Variants in ASPRV1 observed in about 807,000 individuals in gnomAD.
ASPRV1 encodes retroviral-like aspartic protease 1.
In ASPRV1, 7 loss-of-function variants were observed where a neutral mutation model predicts 11.0. That is an observed-to-expected ratio of 0.64 (90% CI 0.36 to 1.20). The LOEUF is 1.20. ASPRV1 is among the 50% of genes most tolerant of loss of function. ASPRV1 has a pLI of 0.02. For missense variants in ASPRV1, 299 were observed against 320.0 expected (o/e 0.93, Z 0.50); for synonymous variants, 136 against 138.4 (o/e 0.98, Z 0.12).
At chr2:70,071,955 C>A in the ASPRV1 span, among the ~76,000 whole-genome samples, 2 of 138,288 alleles carry the variant, frequency 1.4e-5, no homozygotes, top group Non-Finnish European at 3.1e-5. Context: ...ATTTTTCTTT[C>A]TTTTTTTTTT....
the ASPRV1 span, among the ~76,000 whole-genome samples, chr2:70,078,887 G>A: frequency 6.6e-6 from 1 of 152,222 alleles, no homozygotes; most frequent in Non-Finnish European, 1.5e-5. Flanking sequence ...AGAGCAAAAG[G>A]AGGAAGACCA....
the ASPRV1 span, among the ~76,000 whole-genome samples, chr2:70,051,845 C>T: frequency 6.6e-6 from 1 of 152,114 alleles, no homozygotes; most frequent in South Asian, 2.1e-4. Context: ...TGAAGCAGCA[C>T]ATGCCTGTAG....
chr2:69,934,221 T>A, the ASPRV1 span, among the ~76,000 whole-genome samples: 1 of 152,178 alleles, frequency 6.6e-6, no homozygotes, highest in South Asian at 2.1e-4. Flanking sequence ...TATAAACAGT[T>A]AAGTGGTGCT....
the ASPRV1 span, among the ~76,000 whole-genome samples, chr2:70,013,633 T>C: frequency 2.6e-5 from 4 of 152,218 alleles, no homozygotes; most frequent in Admixed American, 1.3e-4. Context: ...CTCATGCCCG[T>C]AATCCCAGCA....
the ASPRV1 span, among the ~76,000 whole-genome samples, chr2:70,029,250 T>C: frequency 6.6e-6 from 1 of 152,160 alleles, no homozygotes; most frequent in East Asian, 1.9e-4. Flanking sequence ...CTGACAGAAA[T>C]TTGGGATGCT....
chr2:70,038,874 T>C, the ASPRV1 span, among the ~76,000 whole-genome samples: 1 of 151,538 alleles, frequency 6.6e-6, no homozygotes, highest in Non-Finnish European at 1.5e-5. Flanking sequence ...AGGTTGGGAG[T>C]TCGAGACCAG....
the ASPRV1 span, among the ~76,000 whole-genome samples, chr2:70,029,498 G>T: frequency 6.6e-6 from 1 of 152,034 alleles, no homozygotes; most frequent in African/African-American, 2.4e-5. Flanking sequence ...AATGAGCCAG[G>T]CGTGGTGGTG....
the ASPRV1 span, among the ~76,000 whole-genome samples, chr2:69,991,891 C>A: frequency 6.6e-6 from 1 of 152,336 alleles, no homozygotes; most frequent in African/African-American, 2.4e-5. Context: ...CAGCAAGTTT[C>A]TCTTCTCTGT....
chr2:70,081,319 C>T, the ASPRV1 span: 1 of 151,880 alleles, frequency 6.6e-6, no homozygotes, highest in African/African-American at 2.4e-5. Flanking sequence ...ACAGTGAAAC[C>T]CCATCTCTAC....
the ASPRV1 span, among the ~76,000 whole-genome samples, chr2:69,947,204 C>A: frequency 6.6e-6 from 1 of 152,152 alleles, no homozygotes; most frequent in African/African-American, 2.4e-5. Context: ...CAGACTAGCA[C>A]AGGGCATGGA....
At chr2:69,989,150 G>A in the ASPRV1 span, among the ~76,000 whole-genome samples, 1 of 152,312 alleles carries the variant, frequency 6.6e-6, no homozygotes, top group African/African-American at 2.4e-5. Context: ...ACTTCTCCCG[G>A]GCTGGAGGGT....
the ASPRV1 span, among the ~76,000 whole-genome samples, chr2:69,987,321 G>T: frequency 6.6e-6 from 1 of 151,996 alleles, no homozygotes; most frequent in Non-Finnish European, 1.5e-5. Flanking sequence ...CCTCATCCCT[G>T]GTCCAAACAG....
chr2:70,032,751 A>T, the ASPRV1 span, among the ~76,000 whole-genome samples: 4 of 152,130 alleles, frequency 2.6e-5, no homozygotes, highest in African/African-American at 9.7e-5. Flanking sequence ...ACCCCTAATG[A>T]TATATCCTAC....
At chr2:69,948,980 C>T in the ASPRV1 span, among the ~76,000 whole-genome samples, 1 of 152,118 alleles carries the variant, frequency 6.6e-6, no homozygotes, top group Non-Finnish European at 1.5e-5. Context: ...GCGGACTGCG[C>T]TTCACTCAGG....
the ASPRV1 span, among the ~76,000 whole-genome samples, chr2:70,061,578 A>T: frequency 6.6e-6 from 1 of 152,148 alleles, no homozygotes; most frequent in East Asian, 1.9e-4. Flanking sequence ...GGGGCCTGGG[A>T]TGAGACTTGA....
chr2:69,975,707 T>C, the ASPRV1 span: 2 of 152,404 alleles, frequency 1.3e-5, no homozygotes, highest in Admixed American at 6.5e-5. Context: ...CAGCACGCAG[T>C]AGGGGCCGAG....
the ASPRV1 span, among the ~76,000 whole-genome samples, chr2:70,079,477 A>T: frequency 3.9e-5 from 6 of 152,156 alleles, no homozygotes; most frequent in Admixed American, 1.3e-4. Flanking sequence ...TGTCTCTAAA[A>T]AATAAAGTCC....
At chr2:70,084,504 C>A in the ASPRV1 span, among the ~76,000 whole-genome samples, 1 of 152,172 alleles carries the variant, frequency 6.6e-6, no homozygotes, top group South Asian at 2.1e-4. Context: ...AATTCCTTCA[C>A]TAATCTGTAC....
the ASPRV1 span, among the ~76,000 whole-genome samples, chr2:69,944,936 T>C: frequency 6.6e-6 from 1 of 152,010 alleles, no homozygotes; most frequent in Non-Finnish European, 1.5e-5. Context: ...ATTCAACCAG[T>C]ATTTACCGTA....
Sources: allele counts gnomAD v4.1 joint callset (sites outside exome capture counted in the v4.1 genomes callset), GRCh38; gene constraint gnomAD v4.1.1; transcripts MANE v1.5; gene names NCBI Gene and HGNC (gene_info 2026-07-23, HGNC 2026-07-21).